NAV3: variants seen among roughly 807,000 people sequenced by gnomAD.
NAV3 encodes pore membrane and/or filament interacting like protein 1.
NAV3 carries 87 observed loss-of-function variants against 244.7 expected under a neutral mutation model. The ratio of observed to expected loss-of-function variants is 0.36; its 90% CI spans 0.30 to 0.42. NAV3 has a LOEUF of 0.42. NAV3 is among the 20% of genes least tolerant of loss of function. The pLI is 1.00. For synonymous variants in NAV3, 1,126 were observed against 1,042.2 expected (o/e 1.08, Z -1.55); for missense variants, 2,663 against 2,893.3 (o/e 0.92, Z 1.83).
intron 9 of NAV3, among the ~76,000 whole-genome samples, chr12:78,041,005 A>T (rs1032589128): frequency 4.6e-5 from 7 of 152,198 alleles, no homozygotes; most frequent in African/African-American, 1.7e-4. Context: ...GAAGTGAAAG[A>T]TAGAATTCTT....
chr12:78,147,751 C>T (rs369012418), intron 21 of NAV3, among the ~76,000 whole-genome samples: 1 of 151,956 alleles, frequency 6.6e-6, no homozygotes, highest in African/African-American at 2.4e-5. Flanking sequence ...ATCTAATGCC[C>T]GGGGCAAAAA....
intron 12 of NAV3, 52 bp from the exon 13 acceptor site, chr12:78,116,720 T>A (rs1193145122): frequency 2.5e-5 from 36 of 1,455,714 alleles, no homozygotes; most frequent in Non-Finnish European, 3.1e-5. Flanking sequence ...GTAGGTGACT[T>A]GCATTGTGCA....
chr12:77,655,496 T>A (rs183119641), intron 2 of NAV3, among the ~76,000 whole-genome samples: 1 of 152,258 alleles, frequency 6.6e-6, no homozygotes, highest in African/African-American at 2.4e-5. Flanking sequence ...TACCTGAAAG[T>A]GACGGGGAGA....
intron 2 of NAV3, among the ~76,000 whole-genome samples, chr12:77,670,191 C>G (rs192790721): frequency 2.1e-4 from 32 of 152,060 alleles, no homozygotes; most frequent in African/African-American, 7.0e-4. Flanking sequence ...CCTAGAAAAC[C>G]TAGAGGAGAT....
intron 23 of NAV3, among the ~76,000 whole-genome samples, chr12:78,163,124 G>A (rs1049569739): frequency 6.6e-6 from 1 of 151,260 alleles, no homozygotes; most frequent in Non-Finnish European, 1.5e-5. Context: ...CTTTAAAAAT[G>A]GATAAACTAA....
At chr12:77,636,327 G>C (rs1254607220) in intron 2 of NAV3, among the ~76,000 whole-genome samples, 1 of 151,896 alleles carries the variant, frequency 6.6e-6, no homozygotes, top group South Asian at 2.1e-4. Flanking sequence ...TTAGCCAGGC[G>C]TGGTGGTGGG....
At chr12:77,604,598 T>A (rs973108800) in intron 2 of NAV3, among the ~76,000 whole-genome samples, 2 of 151,482 alleles carry the variant, frequency 1.3e-5, no homozygotes, top group Non-Finnish European at 2.9e-5. Context: ...TGGGAAAAAA[T>A]ATTTCTTTAG....
chr12:77,910,689 A>G (rs752716859), intron 1 of NAV3, among the ~76,000 whole-genome samples: 5 of 152,126 alleles, frequency 3.3e-5, no homozygotes, highest in Non-Finnish European at 7.4e-5. Flanking sequence ...GATTGGTGAC[A>G]AAGAAAGCCC....
chr12:78,016,389 T>C (rs1177217757), intron 8 of NAV3, among the ~76,000 whole-genome samples: 4 of 152,142 alleles, frequency 2.6e-5, no homozygotes, highest in Admixed American at 1.3e-4. Flanking sequence ...CCACAGTTTA[T>C]TTTTCTTTCC....
Position 78,205,061 on chromosome 12 carries a change from T to A in NAV3, c.6961T>A (p.Tyr2321Asn). 6.2e-7 allele frequency: 1 copy of A among 1,613,552 alleles called. No homozygotes were observed. Among genetic ancestry groups the A allele is most frequent in the Non-Finnish European group, 8.5e-7 (1 of 1,179,762 alleles). ...LLQLRPEDVG[Y>N]ESCTSTKEAT... The stretch of plus-strand genomic sequence containing the variant: ...TCAGCTGCGACCAGAAGATGTTGGG[T>A]ATGAAAGCTGCACATCCACTAAGGA... Residue 2321 changes from tyrosine to asparagine, a missense_variant, in exon 39 of 40, where the codon TAT (tyrosine) becomes AAT (asparagine). Physicochemically the swap from Tyr to Asn is moderately radical, Grantham distance 143. This residue lies in a region of NAV3 where 543 missense variants were observed against 672.4 expected (regional missense o/e 0.81). Coordinates refer to ENST00000397909, the MANE Select transcript of NAV3 (RefSeq NM_001024383.2).
chr12:78,205,088 G>A lies in NAV3; in HGVS notation c.6988G>A (p.Ala2330Thr). 1 of 1,613,524 alleles carries A rather than the reference G, an allele frequency of 6.2e-7. No individual in the cohort carries two copies. Among genetic ancestry groups the A allele is most frequent in the Non-Finnish European group, 8.5e-7 (1 of 1,179,740 alleles). ...GYESCTSTKE[A>T]TTSKHIPQTD... ...TGAAAGCTGCACATCCACTAAGGAA[G>A]CCACAACCTCAAAGCACATTCCGCA... is the stretch of plus-strand genomic sequence containing the variant. The change falls in exon 39 of 40, where the codon GCC becomes ACC. Residue 2330 changes from alanine to threonine, a missense_variant. This residue lies in a region of NAV3 where 543 missense variants were observed against 672.4 expected (regional missense o/e 0.81). Coordinates refer to ENST00000397909, the MANE Select transcript of NAV3 (RefSeq NM_001024383.2).
At chr12:77,707,883 C>T (rs1029421625) in intron 2 of NAV3, among the ~76,000 whole-genome samples, 1 of 152,036 alleles carries the variant, frequency 6.6e-6, no homozygotes, top group Non-Finnish European at 1.5e-5. Context: ...TCTGTTCATA[C>T]CCTTTGCTCA....
intron 12 of NAV3, among the ~76,000 whole-genome samples, chr12:78,084,594 CTT>C (rs1006314827): frequency 1.3e-5 from 2 of 152,022 alleles, no homozygotes; most frequent in Non-Finnish European, 2.9e-5. Flanking sequence ...CTCTCTCTCT[CTT>C]TCTCTCTCTC....
chr12:77,695,845 A>G (rs1875271196), intron 2 of NAV3, among the ~76,000 whole-genome samples: 1 of 152,084 alleles, frequency 6.6e-6, no homozygotes, highest in South Asian at 2.1e-4. Flanking sequence ...TCAGTGCCTC[A>G]AATAAAGAAA....
chr12:78,147,284 C>T (rs912892152), intron 21 of NAV3, among the ~76,000 whole-genome samples: 1 of 152,148 alleles, frequency 6.6e-6, no homozygotes. Flanking sequence ...CATGACAAAG[C>T]TTCTAACACT....
At chr12:78,056,818 A>T (rs1426489180) in intron 11 of NAV3, among the ~76,000 whole-genome samples, 1 of 152,252 alleles carries the variant, frequency 6.6e-6, no homozygotes, top group African/African-American at 2.4e-5. Context: ...TGTTTTAAAG[A>T]TTAAAGGAAC....
rs10602394 is a variant in NAV3 at position 77,929,798 on chromosome 12, ATTTTT to A, written c.244-10503_244-10499del. 1.5e-3 allele frequency among the ~76,000 whole-genome samples: 163 copies of A among 105,994 alleles called. 1 individual carries two copies. Among genetic ancestry groups the A allele is most frequent in the Non-Finnish European group, 2.4e-3 (128 of 54,232 alleles). 69.5% of individuals were successfully genotyped at this position (105,994 alleles called of 152,430 possible). A position where few individuals can be genotyped will look rare whatever the true frequency, so the allele number is the denominator to read the frequency against. Reference sequence around the variant, plus strand: ...CAGGCACCCGCCACCACGGCCAGCTATTTTTTTTTTTTTTTTTTTTTTGTATTTTT... The same window carrying A: ...CAGGCACCCGCCACCACGGCCAGCTATTTTTTTTTTTTTTTTTGTATTTTT... On this transcript the variant is annotated intron_variant, in intron 1 of 39. Coordinates refer to ENST00000397909, the MANE Select transcript of NAV3 (RefSeq NM_001024383.2).
At chr12:78,017,406 C>T (rs1047397888) in intron 8 of NAV3, among the ~76,000 whole-genome samples, 14 of 151,954 alleles carry the variant, frequency 9.2e-5, no homozygotes, top group Admixed American at 5.3e-4. Flanking sequence ...GCGCTCCAGC[C>T]GGGGTGACAG....
chr12:78,016,684 T>C (rs1361666278), intron 8 of NAV3, among the ~76,000 whole-genome samples: 1 of 152,212 alleles, frequency 6.6e-6, no homozygotes, highest in African/African-American at 2.4e-5. Context: ...AGTTAATGTT[T>C]CTGACTCAAA....
Sources: allele counts gnomAD v4.1 joint callset (sites outside exome capture counted in the v4.1 genomes callset), GRCh38; gene constraint gnomAD v4.1.1; regional missense constraint gnomAD v4.1.1; transcripts MANE v1.5; gene names NCBI Gene and HGNC (gene_info 2026-07-23, HGNC 2026-07-21).